Variants in KDM6A observed in about 807,000 individuals in gnomAD.
KDM6A encodes lysine demethylase 6A, also known as lysine-specific demethylase 6A.
In KDM6A, 11 loss-of-function variants were observed where a neutral mutation model predicts 117.6. The ratio of observed to expected loss-of-function variants is 0.09; its 90% confidence interval spans 0.06 to 0.15. The LOEUF is 0.15. Ranked by LOEUF, KDM6A falls within the 10% of genes least tolerant of loss-of-function variation. KDM6A has a pLI of 1.00. For synonymous variants in KDM6A, 384 were observed against 396.1 expected (o/e 0.97, Z 0.36); for missense variants, 799 against 1,077.3 (o/e 0.74, Z 3.62).
intron 2 of KDM6A, among the ~76,000 whole-genome samples, chrX:44,960,633 G>A (rs993141241): frequency 6.3e-5 from 7 of 111,711 alleles, no homozygotes; most frequent in African/African-American, 1.9e-4. Context: ...TTATAAAAAC[G>A]AATTTATATT....
At chrX:44,878,158 A>G (rs2031879397) in intron 2 of KDM6A, among the ~76,000 whole-genome samples, 1 of 111,511 alleles carries the variant, frequency 9.0e-6, no homozygotes, top group East Asian at 2.8e-4. Flanking sequence ...GTTTCAGAAT[A>G]TTTGCAGAAT....
chrX:45,005,375 A>G (rs957889139), intron 4 of KDM6A, among the ~76,000 whole-genome samples: 5 of 110,640 alleles, frequency 4.5e-5, no homozygotes, highest in African/African-American at 1.6e-4. Context: ...CTGACTTTTC[A>G]TTTTGAGGTG....
At chrX:44,939,601 C>T (rs1168236992) in intron 2 of KDM6A, among the ~76,000 whole-genome samples, 1 of 112,250 alleles carries the variant, frequency 8.9e-6, no homozygotes, top group Non-Finnish European at 1.9e-5. Flanking sequence ...AGAGTAGTGG[C>T]AGGGTTTGAG....
intron 6 of KDM6A, among the ~76,000 whole-genome samples, chrX:45,021,369 T>C (rs751555773): frequency 8.9e-6 from 1 of 111,918 alleles, no homozygotes; most frequent in African/African-American, 3.2e-5. Context: ...CTGAAAATAG[T>C]GCTTTCCTGC....
chrX:45,022,896 T>G (rs1418964937), intron 6 of KDM6A, among the ~76,000 whole-genome samples: 1 of 112,328 alleles, frequency 8.9e-6, no homozygotes. Context: ...ATTCATTTTC[T>G]TCTCAGTTCT....
At chrX:44,885,977 A>G in intron 2 of KDM6A, among the ~76,000 whole-genome samples, 1 of 111,538 alleles carries the variant, frequency 9.0e-6, no homozygotes, top group East Asian at 2.8e-4. Context: ...ATATTCTGTT[A>G]GATATTTTTA....
intron 29 of KDM6A, among the ~76,000 whole-genome samples, chrX:45,110,737 C>G (rs767307520): frequency 1.8e-5 from 2 of 111,593 alleles, no homozygotes; most frequent in East Asian, 5.6e-4. Flanking sequence ...TATTATGTAA[C>G]CTTATGAAAT....
intron 4 of KDM6A, among the ~76,000 whole-genome samples, chrX:44,982,673 A>T (rs1249204202): frequency 8.9e-6 from 1 of 111,956 alleles, no homozygotes; most frequent in Non-Finnish European, 1.9e-5. Flanking sequence ...TGCCTGATTC[A>T]GCATATGCTT....
intron 3 of KDM6A, among the ~76,000 whole-genome samples, chrX:44,969,746 C>T (rs2039244617): frequency 9.0e-6 from 1 of 111,526 alleles, no homozygotes; most frequent in African/African-American, 3.3e-5. Context: ...GGTTGAATGA[C>T]AGTACTCTAT....
At chrX:44,978,540 A>T (rs992050076) in intron 4 of KDM6A, among the ~76,000 whole-genome samples, 9 of 112,191 alleles carry the variant, frequency 8.0e-5, no homozygotes, top group Non-Finnish European at 1.7e-4. Flanking sequence ...TTCCAAATAA[A>T]CTTTCTAATT....
rs1272718100 is a variant in KDM6A at position 44,873,362 on chromosome X, C to T, written c.-190C>T. On this transcript the variant is annotated 5_prime_UTR_variant, in exon 1 of 30. Transcript: ENST00000611820. Reference sequence around the variant, plus strand: ...CGCCGCTGCCGACCCGGGGGCTCCGCAGCCCCTGCCGCCGCCGCCGCCGCC... The same window carrying T: ...CGCCGCTGCCGACCCGGGGGCTCCGTAGCCCCTGCCGCCGCCGCCGCCGCC... The T allele has an allele frequency of 6.6e-5, 38 of 575,840 alleles. No homozygotes were observed. The East Asian group carries it at 1.5e-3, about 23-fold the overall frequency. The allele number at this position is 575,840 out of a possible 1,213,427, so 47.5% of individuals were successfully genotyped here. A position where few individuals can be genotyped will look rare whatever the true frequency, so the allele number is the denominator to read the frequency against.
At chrX:44,980,559 G>GT (rs1355106588) in intron 4 of KDM6A, among the ~76,000 whole-genome samples, 54 of 102,206 alleles carry the variant, frequency 5.3e-4, no homozygotes, top group African/African-American at 1.4e-3. Flanking sequence ...TTTTACGTTT[G>GT]TTTTTTTTTA....
intron 29 of KDM6A, among the ~76,000 whole-genome samples, chrX:45,110,803 G>T (rs953196583): frequency 9.0e-6 from 1 of 111,653 alleles, no homozygotes; most frequent in South Asian, 3.7e-4. Flanking sequence ...ATGCTTGGGG[G>T]AAGCATTTTA....
At chrX:44,920,952 G>A (rs1334958175) in intron 2 of KDM6A, among the ~76,000 whole-genome samples, 1 of 100,690 alleles carries the variant, frequency 9.9e-6, no homozygotes, top group African/African-American at 3.7e-5. Flanking sequence ...TCGGCTCGCT[G>A]CAACCTCCGC....
intron 4 of KDM6A, among the ~76,000 whole-genome samples, chrX:44,988,261 G>C: frequency 9.0e-6 from 1 of 111,452 alleles, no homozygotes; most frequent in African/African-American, 3.3e-5. Context: ...AGCTCCATCA[G>C]GTCCTTTAAG....
At chrX:44,940,532 A>G (rs375176655) in intron 2 of KDM6A, among the ~76,000 whole-genome samples, 4 of 111,688 alleles carry the variant, frequency 3.6e-5, no homozygotes, top group Non-Finnish European at 7.5e-5. Flanking sequence ...TTGGCAGTAA[A>G]TATTGTTATT....
At chrX:45,057,814 A>G (rs1441852887) in intron 10 of KDM6A, among the ~76,000 whole-genome samples, 1 of 111,377 alleles carries the variant, frequency 9.0e-6, no homozygotes, top group Non-Finnish European at 1.9e-5. Context: ...AATTTCAAAG[A>G]ATAATTATGA....
intron 2 of KDM6A, among the ~76,000 whole-genome samples, chrX:44,932,270 T>G (rs1218062276): frequency 9.4e-6 from 1 of 106,602 alleles, no homozygotes; most frequent in Non-Finnish European, 1.9e-5. Context: ...AATTTTTGTA[T>G]TTTTAGTAGA....
At chrX:44,958,604 C>T (rs989528385) in intron 2 of KDM6A, among the ~76,000 whole-genome samples, 2 of 56,443 alleles carry the variant, frequency 3.5e-5, no homozygotes, top group African/African-American at 1.0e-4. Flanking sequence ...CTATATAGAC[C>T]TTTTTTTTTT....
Sources: gnomAD v4.1 joint callset for allele counts (sites outside exome capture counted in the v4.1 genomes callset) on GRCh38, gnomAD v4.1.1 for gene constraint, MANE v1.5 for transcripts, NCBI Gene and HGNC (gene_info 2026-07-23, HGNC 2026-07-21) for gene names.